DLG1: variants seen among roughly 807,000 people sequenced by gnomAD.
The protein encoded by DLG1 is discs large MAGUK scaffold protein 1.
DLG1 carries 42 observed loss-of-function variants against 123.4 expected under a neutral mutation model. The observed-to-expected ratio is 0.34, with a 90% CI of 0.27 to 0.44. The LOEUF (loss-of-function observed/expected upper bound fraction) is 0.44, where lower values mean the gene tolerates loss of function less well. Among genes scored for constraint, DLG1 ranks in the 20% least tolerant of loss-of-function variants. DLG1 has a pLI of 1.00. For synonymous variants in DLG1, 317 were observed against 356.2 expected, an observed-to-expected ratio of 0.89 and a Z score of 1.24; for missense variants, 942 against 1,082.6, an observed-to-expected ratio of 0.87 and a Z score of 1.82.
rs116634050 is a variant in DLG1 at position 197,153,053 on chromosome 3, T to C, written c.484-3257A>G. 5.2e-3 allele frequency among the ~76,000 whole-genome samples: 795 copies of C among 152,320 alleles called. 6 individuals are homozygous for C. The highest frequency in any genetic ancestry group is 0.017 in the African/African-American group (707 of 41,574). The stretch of plus-strand genomic sequence containing the variant: ...ATTGATCAAAGTTTCATTATGTTAT[T>C]TGTCTAGTGTTTCTTTCTCCTCTAC... On this transcript the variant is annotated intron_variant, in intron 5 of 24. Coordinates refer to ENST00000667157, the MANE Select transcript of DLG1 (RefSeq NM_001366207.1).
chr3:197,229,447 T>G (rs990346000), intron 4 of DLG1, among the ~76,000 whole-genome samples: 2 of 127,848 alleles, frequency 1.6e-5, no homozygotes, highest in Non-Finnish European at 3.3e-5. Flanking sequence ...AGTGACAGCC[T>G]GTCTCTTAAA....
chr3:197,237,089 T>A (rs1469401113), intron 4 of DLG1, among the ~76,000 whole-genome samples: 1 of 151,968 alleles, frequency 6.6e-6, no homozygotes, highest in African/African-American at 2.4e-5. Flanking sequence ...GCTTGTACCA[T>A]AACAACTAGA....
intron 5 of DLG1, among the ~76,000 whole-genome samples, chr3:197,193,693 G>A (rs901257228): frequency 5.3e-5 from 8 of 152,096 alleles, no homozygotes; most frequent in African/African-American, 1.9e-4. Flanking sequence ...CAATTGATTA[G>A]CAATCGAAAT....
intron 4 of DLG1, among the ~76,000 whole-genome samples, chr3:197,279,382 C>T (rs958564706): frequency 6.6e-6 from 1 of 152,184 alleles, no homozygotes; most frequent in Non-Finnish European, 1.5e-5. Flanking sequence ...ACTTTGCTCA[C>T]TCCAGTTTGA....
rs1333046058 is a variant in DLG1 at position 197,049,477 on chromosome 3, G to A, written c.2575+2100C>T. Among the ~76,000 whole-genome samples, 3 of 152,270 alleles carry A rather than the reference G, an allele frequency of 2.0e-5. No individual in the cohort carries two copies. The East Asian group carries it at 5.8e-4, about 29-fold the overall frequency. ...GAGTCTGTCAAAAGATGAATGAGCCGGGCCCGATGGCTCACGCCTGTAGTC... is the reference window on the plus strand; with the variant it reads ...GAGTCTGTCAAAAGATGAATGAGCCAGGCCCGATGGCTCACGCCTGTAGTC... On this transcript the variant is annotated intron_variant, in intron 24 of 24. Transcript: ENST00000667157.
intron 4 of DLG1, among the ~76,000 whole-genome samples, chr3:197,269,753 C>T (rs1179738953): frequency 6.6e-6 from 1 of 152,198 alleles, no homozygotes; most frequent in Non-Finnish European, 1.5e-5. Flanking sequence ...AGAATGAATT[C>T]ATGCTCCTCT....
chr3:197,144,054 C>G (rs749330716), intron 6 of DLG1, among the ~76,000 whole-genome samples: 1 of 152,174 alleles, frequency 6.6e-6, no homozygotes, highest in Non-Finnish European at 1.5e-5. Flanking sequence ...GTGATAAATT[C>G]TACTTCTGAA....
At chr3:197,192,601 G>A (rs1269915432) in intron 5 of DLG1, among the ~76,000 whole-genome samples, 1 of 151,980 alleles carries the variant, frequency 6.6e-6, no homozygotes, top group Non-Finnish European at 1.5e-5. Context: ...AGTTCCCCAA[G>A]GGAGGATCAG....
intron 11 of DLG1, among the ~76,000 whole-genome samples, chr3:197,120,437 C>A (rs1362333623): frequency 6.6e-6 from 1 of 152,176 alleles, no homozygotes. Flanking sequence ...GCAGCTGTAG[C>A]TTACAAAGAC....
intron 14 of DLG1, among the ~76,000 whole-genome samples, chr3:197,091,624 TA>T (rs1320806802): frequency 1.3e-5 from 2 of 152,076 alleles, no homozygotes; most frequent in African/African-American, 2.4e-5. Context: ...TGAATATTTT[TA>T]TTTAAAATAT....
At chr3:197,104,847 G>A in intron 14 of DLG1, 56 bp downstream of exon 14, 4 of 1,210,488 alleles carry the variant, frequency 3.3e-6, no homozygotes, top group Non-Finnish European at 4.8e-6. Context: ...TATTAAAGAG[G>A]AAGAATTTTA....
At chr3:197,206,539 G>A (rs1263022241) in intron 4 of DLG1, among the ~76,000 whole-genome samples, 6 of 152,040 alleles carry the variant, frequency 3.9e-5, no homozygotes, top group Admixed American at 1.3e-4. Context: ...AGCTCAAAGC[G>A]ATACACCTGC....
chr3:197,157,407 AAAC>A (rs1796841013), intron 5 of DLG1, among the ~76,000 whole-genome samples: 1 of 152,238 alleles, frequency 6.6e-6, no homozygotes, highest in African/African-American at 2.4e-5. Context: ...GAAATTAAGA[AAAC>A]AATTCTGTTT....
intron 5 of DLG1, among the ~76,000 whole-genome samples, chr3:197,191,965 C>T (rs2150235146): frequency 6.6e-6 from 1 of 152,084 alleles, no homozygotes; most frequent in Admixed American, 6.5e-5. Context: ...TACTTGAGGC[C>T]AGGAGTTCAA....
At chr3:197,096,557 T>C (rs1343428859) in intron 14 of DLG1, among the ~76,000 whole-genome samples, 1 of 152,244 alleles carries the variant, frequency 6.6e-6, no homozygotes, top group Non-Finnish European at 1.5e-5. Context: ...ATAATGGCTT[T>C]AGGACTAAAT....
At chr3:197,050,468 TACA>T (rs780042732) in intron 24 of DLG1, among the ~76,000 whole-genome samples, 1 of 152,112 alleles carries the variant, frequency 6.6e-6, no homozygotes, top group East Asian at 1.9e-4. Context: ...ATGGTATATA[TACA>T]ACAATGGAAT....
At chr3:197,059,240 G>C (rs1482116705) in intron 23 of DLG1, among the ~76,000 whole-genome samples, 1 of 152,120 alleles carries the variant, frequency 6.6e-6, no homozygotes, top group East Asian at 1.9e-4. Context: ...ATGTCACTCT[G>C]AAGCTAAGTA....
rs770506444 is a variant in DLG1 at position 197,130,480 on chromosome 3, C to T, written c.1165+47G>A. The T allele has an allele frequency of 2.7e-6, 4 of 1,484,996 alleles. No individual in the cohort carries two copies. In the South Asian group the frequency reaches 5.7e-5, roughly 21 times the overall value. The allele number at this position is 1,484,996 out of a possible 1,614,324, so 92.0% of individuals were successfully genotyped here. On this transcript the variant is annotated intron_variant, in intron 11 of 24. Coordinates refer to ENST00000667157, the MANE Select transcript of DLG1 (RefSeq NM_001366207.1). Reference sequence around the variant, plus strand: ...GAACATTTCACTAATGGCATCACAACTGAAGAAGTAAGATAAATTTAAGCA... The same window carrying T: ...GAACATTTCACTAATGGCATCACAATTGAAGAAGTAAGATAAATTTAAGCA...
intron 20 of DLG1, among the ~76,000 whole-genome samples, chr3:197,066,431 G>C (rs1471119226): frequency 6.6e-6 from 1 of 152,132 alleles, no homozygotes; most frequent in African/African-American, 2.4e-5. Flanking sequence ...TTCAAAAAAG[G>C]GTTATTTGGA....
Sources: gnomAD v4.1 joint callset for allele counts (sites outside exome capture counted in the v4.1 genomes callset) on GRCh38, gnomAD v4.1.1 for gene constraint, MANE v1.5 for transcripts, NCBI Gene and HGNC (gene_info 2026-07-23, HGNC 2026-07-21) for gene names.